Variants in LARGE1 observed in about 807,000 individuals in gnomAD.
LARGE1 encodes the protein xylosyl- and glucuronyltransferase LARGE1.
LARGE1 carries 43 observed loss-of-function variants against 87.6 expected under a neutral mutation model. That is an observed-to-expected ratio of 0.49 (90% CI 0.38 to 0.63). The LOEUF (loss-of-function observed/expected upper bound fraction) is 0.63, where lower values mean the gene tolerates loss of function less well. Among genes scored for constraint, LARGE1 ranks in the 30% least tolerant of loss-of-function variants. LARGE1 has a pLI of 0.00. For missense variants in LARGE1, 802 were observed against 1,000.2 expected (o/e 0.80, Z 2.67); for synonymous variants, 434 against 394.6 (o/e 1.10, Z -1.18).
chr22:33,128,680 C>CAAA, the LARGE1 span, among the ~76,000 whole-genome samples: 8,931 of 109,398 alleles, frequency 0.082, 384 homozygotes, highest in East Asian at 0.19. Flanking sequence ...GTCTCAAAAA[C>CAAA]AAAAAAAAAA....
the LARGE1 span, among the ~76,000 whole-genome samples, chr22:33,101,012 A>G: frequency 6.6e-6 from 1 of 151,684 alleles, no homozygotes; most frequent in East Asian, 1.9e-4. Flanking sequence ...CACCCGGCTA[A>G]TTTTTTATTT....
intron 2 of LARGE1, among the ~76,000 whole-genome samples, chr22:33,721,206 A>G (rs2083086695): frequency 6.6e-6 from 1 of 152,238 alleles, no homozygotes; most frequent in African/African-American, 2.4e-5. Flanking sequence ...GGAGGAGAAG[A>G]GGACTGAACT....
intron 9 of LARGE1, among the ~76,000 whole-genome samples, chr22:33,364,319 A>G (rs1306195254): frequency 1.3e-5 from 2 of 152,082 alleles, no homozygotes; most frequent in African/African-American, 2.4e-5. Context: ...GGCCTCCCAA[A>G]GTGCTGGGAT....
chr22:33,213,789 A>C (rs907084412), intron 11 of LARGE1, among the ~76,000 whole-genome samples: 6 of 152,332 alleles, frequency 3.9e-5, no homozygotes, highest in Non-Finnish European at 8.8e-5. Context: ...CTGGGAAACC[A>C]AAAACTTTGT....
intron 1 of LARGE1, among the ~76,000 whole-genome samples, chr22:33,800,100 A>C (rs2146067619): frequency 6.6e-6 from 1 of 152,340 alleles, no homozygotes; most frequent in Middle Eastern, 3.4e-3. Context: ...CCGTTCCAAA[A>C]GTTTAATGTG....
intron 6 of LARGE1, among the ~76,000 whole-genome samples, chr22:33,464,850 TACACACACACTAC>T (rs982627466): frequency 7.4e-5 from 11 of 148,020 alleles, no homozygotes; most frequent in Admixed American, 7.4e-4. Context: ...CACGCACACA[TACACACACACTAC>T]ACACACACTG....
At chr22:33,341,866 A>AT (rs1939183748) in intron 9 of LARGE1, among the ~76,000 whole-genome samples, 1 of 152,188 alleles carries the variant, frequency 6.6e-6, no homozygotes, top group Non-Finnish European at 1.5e-5. Flanking sequence ...GAGTGGTTCC[A>AT]TAAGTGTGGG....
intron 2 of LARGE1, among the ~76,000 whole-genome samples, chr22:33,751,207 G>A (rs7285308): frequency 0.14 from 21,018 of 152,146 alleles, 2,261 homozygotes; most frequent in African/African-American, 0.31. Flanking sequence ...AAGGCTGGGC[G>A]TGGTGGCTCA....
At chr22:33,468,657 A>C (rs1234106891) in intron 6 of LARGE1, among the ~76,000 whole-genome samples, 3 of 152,194 alleles carry the variant, frequency 2.0e-5, no homozygotes, top group Non-Finnish European at 4.4e-5. Context: ...CGGCTCTCTG[A>C]GATACATATA....
At chr22:33,480,754 T>C (rs138234385) in intron 6 of LARGE1, among the ~76,000 whole-genome samples, 201 of 152,330 alleles carry the variant, frequency 1.3e-3, no homozygotes, top group African/African-American at 4.7e-3. Context: ...AATTTTATAA[T>C]GCAGTCTTAG....
intron 1 of LARGE1, among the ~76,000 whole-genome samples, chr22:33,813,008 T>C (rs975623398): frequency 6.6e-6 from 1 of 152,170 alleles, no homozygotes; most frequent in African/African-American, 2.4e-5. Flanking sequence ...ATACAGACTA[T>C]TCTCTTAGTA....
intron 1 of LARGE1, among the ~76,000 whole-genome samples, chr22:33,851,581 A>G (rs1041394781): frequency 3.3e-5 from 5 of 152,256 alleles, no homozygotes; most frequent in Admixed American, 3.3e-4. Flanking sequence ...CTCCAGTTAA[A>G]GACTACCAGG....
At chr22:33,074,393 G>A in the LARGE1 span, among the ~76,000 whole-genome samples, 2 of 152,234 alleles carry the variant, frequency 1.3e-5, no homozygotes, top group East Asian at 1.9e-4. Context: ...TCATTGTTCC[G>A]GCTGGGCGTG....
the LARGE1 span, among the ~76,000 whole-genome samples, chr22:33,100,396 A>G: frequency 1.3e-5 from 2 of 151,648 alleles, no homozygotes; most frequent in South Asian, 4.2e-4. Flanking sequence ...AAATAAATAA[A>G]TCTAAGTTCA....
chr22:33,153,750 G>T, the LARGE1 span, among the ~76,000 whole-genome samples: 7 of 152,146 alleles, frequency 4.6e-5, no homozygotes, highest in Admixed American at 4.6e-4. Flanking sequence ...ATATCCTTGA[G>T]CTTTATTTGC....
the LARGE1 span, among the ~76,000 whole-genome samples, chr22:33,134,904 G>C: frequency 7.9e-5 from 12 of 152,144 alleles, no homozygotes; most frequent in Non-Finnish European, 1.6e-4. Context: ...AGATTCATAG[G>C]TGGAGGCAGA....
the LARGE1 span, among the ~76,000 whole-genome samples, chr22:33,077,722 C>T: frequency 6.6e-6 from 1 of 152,190 alleles, no homozygotes; most frequent in African/African-American, 2.4e-5. Flanking sequence ...ATCATCTTAA[C>T]ACAGGGATTA....
chr22:33,557,396 AAG>A (rs1196864731), intron 6 of LARGE1, among the ~76,000 whole-genome samples: 2 of 152,188 alleles, frequency 1.3e-5, no homozygotes, highest in Admixed American at 1.3e-4. Context: ...CAGGCTGGTT[AAG>A]AGAGGCAGAG....
At chr22:33,913,713 T>C (rs2065704033) in intron 1 of LARGE1, among the ~76,000 whole-genome samples, 1 of 151,948 alleles carries the variant, frequency 6.6e-6, no homozygotes, top group Non-Finnish European at 1.5e-5. Flanking sequence ...CCAGCTAATT[T>C]TTTTTTTTGT....
Sources: gnomAD v4.1 joint callset for allele counts (sites outside exome capture counted in the v4.1 genomes callset) on GRCh38, gnomAD v4.1.1 for gene constraint, MANE v1.5 for transcripts, NCBI Gene and HGNC (gene_info 2026-07-23, HGNC 2026-07-21) for gene names.